The following NEBL variants were observed in gnomAD, a reference collection of about 807,000 sequenced individuals.
NEBL encodes LIM and SH3 protein 2.
A neutral mutation model predicts 140.2 loss-of-function variants in NEBL; 122 were observed. That is an observed-to-expected ratio of 0.87 (90% CI 0.75 to 1.01). NEBL has a LOEUF of 1.01. Among genes scored for constraint, NEBL ranks in the 50% least tolerant of loss-of-function variants. The pLI is 0.00. For missense variants in NEBL, 1,365 were observed against 1,231.3 expected (o/e 1.11, Z -1.62); for synonymous variants, 436 against 398.9 (o/e 1.09, Z -1.11).
At chr10:20,892,040 G>A (rs977198154) in intron 2 of NEBL, among the ~76,000 whole-genome samples, 15 of 152,164 alleles carry the variant, frequency 9.9e-5, no homozygotes, top group African/African-American at 3.6e-4. Flanking sequence ...TTTTATTACA[G>A]CCATGTCTAC....
intron 2 of NEBL, among the ~76,000 whole-genome samples, chr10:21,106,843 G>C (rs1451615101): frequency 6.6e-6 from 1 of 152,114 alleles, no homozygotes; most frequent in African/African-American, 2.4e-5. Context: ...CCATTTGTTT[G>C]TGTCCTCTTT....
At position 20,808,617 on chromosome 10, in the gene NEBL, G is replaced by A. The variant is rs143584663; in HGVS notation, c.2654C>T (p.Ser885Phe). Residue 885 changes from serine to phenylalanine, a missense_variant, in exon 26 of 28, where the codon TCC (serine) becomes TTC (phenylalanine). By Grantham distance (155) the Ser-to-Phe change is radical (BLOSUM62 -2). Transcript: ENST00000377122. Reference sequence around the variant, plus strand: ...GAGACCTGTACCGAAAGTACTGCTGGAATGGGATCGAGACCAGTGTCGCCT... The same window carrying A: ...GAGACCTGTACCGAAAGTACTGCTGAAATGGGATCGAGACCAGTGTCGCCT... ...HYRRHWSRSHSSSTFGTGLGD... is the reference protein window; with the variant it reads ...HYRRHWSRSHFSSTFGTGLGD... 3.7e-3 allele frequency: 5,918 copies of A among 1,613,332 alleles called. 16 individuals are homozygous for A. The highest frequency in any genetic ancestry group is 4.4e-3 in the Non-Finnish European group (5,248 of 1,179,344).
chr10:20,941,621 G>A (rs11511164), intron 4 of NEBL, among the ~76,000 whole-genome samples: 1 of 148,182 alleles, frequency 6.7e-6, no homozygotes, highest in African/African-American at 2.5e-5. Flanking sequence ...GGGTATTCAA[G>A]TAGGAAAAGA....
chr10:21,235,615 C>T (rs1273857091), intron 3 of NEBL, among the ~76,000 whole-genome samples: 1 of 152,168 alleles, frequency 6.6e-6, no homozygotes, highest in Admixed American at 6.6e-5. Context: ...GCGCCAGGCC[C>T]ATAAGCATTT....
intron 3 of NEBL, among the ~76,000 whole-genome samples, chr10:21,231,026 C>T (rs544991405): frequency 4.6e-5 from 7 of 152,310 alleles, no homozygotes; most frequent in East Asian, 3.9e-4. Context: ...AAATGAAGCA[C>T]GATCCATGGA....
At chr10:21,126,009 G>T in intron 2 of NEBL, 2 of 1,614,196 alleles carry the variant, frequency 1.2e-6, no homozygotes, top group Middle Eastern at 3.3e-4. Context: ...GACTGAAGCT[G>T]ACTCTCCGCA....
intron 19 of NEBL, among the ~76,000 whole-genome samples, chr10:20,820,630 A>T (rs1588686330): frequency 6.6e-6 from 1 of 152,292 alleles, no homozygotes; most frequent in East Asian, 1.9e-4. Context: ...GTTCGAGACC[A>T]GCCTGACCAA....
chr10:21,257,496 T>C (rs944162499), intron 1 of NEBL, among the ~76,000 whole-genome samples: 1 of 152,236 alleles, frequency 6.6e-6, no homozygotes, highest in Non-Finnish European at 1.5e-5. Context: ...TAGTAAGCAC[T>C]GGTCCTCACC....
At position 20,920,188 on chromosome 10, in the gene NEBL, A is replaced by G. The variant is rs1167344659; in HGVS notation, c.357+41484T>C. 2.6e-5 allele frequency among the ~76,000 whole-genome samples: 4 copies of G among 152,254 alleles called. No homozygotes were observed. In the South Asian group the frequency reaches 6.2e-4, roughly 24 times the overall value. On this transcript the variant is annotated intron_variant, in intron 4 of 6. Coordinates refer to the NEBL transcript ENST00000417816. Reference sequence around the variant, plus strand: ...TGTGGAAAAACAGGCCCTGTCATATATTACTGTTGGAAACATAACTGGTTC... The same window carrying G: ...TGTGGAAAAACAGGCCCTGTCATATGTTACTGTTGGAAACATAACTGGTTC...
At chr10:20,908,616 G>C (rs577205005) in intron 4 of NEBL, among the ~76,000 whole-genome samples, 9 of 152,114 alleles carry the variant, frequency 5.9e-5, no homozygotes, top group Non-Finnish European at 1.0e-4. Context: ...AACTCTCTCA[G>C]GGTTTATATT....
In NEBL at chr10:20,812,828, G is replaced by A. The variant is rs1411291805; in HGVS notation, c.2459C>T (p.Ala820Val). The A allele has an allele frequency of 1.2e-6, 2 of 1,613,826 alleles. No homozygotes were observed. The highest frequency in any genetic ancestry group is 1.1e-5 in the South Asian group (1 of 91,082). ...RKNTQVVSDA[A>V]YKGVHPHIVE... Reference sequence around the variant, plus strand: ...GATGTGAGGGTGGACCCCTTTATAGGCAGCATCGCTGACCACCTGGGTGTT... The same window carrying A: ...GATGTGAGGGTGGACCCCTTTATAGACAGCATCGCTGACCACCTGGGTGTT... Residue 820 changes from alanine (A) to valine (V), a missense_variant, in exon 24 of 28, where the codon GCC (alanine) becomes GTC (valine). Ala to Val is a moderately conservative substitution (Grantham distance 64). Coordinates refer to ENST00000377122, the MANE Select transcript of NEBL (RefSeq NM_006393.3).
At chr10:21,177,979 T>C (rs1841330246), upstream of NEBL, among the ~76,000 whole-genome samples, 1 of 152,250 alleles carries the variant, frequency 6.6e-6, no homozygotes, top group Non-Finnish European at 1.5e-5. Flanking sequence ...TTGTGTATGT[T>C]GTTCCTAGCT....
At chr10:20,929,823 T>C (rs1834095398) in intron 4 of NEBL, among the ~76,000 whole-genome samples, 1 of 152,126 alleles carries the variant, frequency 6.6e-6, no homozygotes, top group Non-Finnish European at 1.5e-5. Context: ...GTACAGTGTA[T>C]ACTATTGGGG....
chr10:20,982,974 C>CA (rs938812483), intron 3 of NEBL, among the ~76,000 whole-genome samples: 4 of 151,436 alleles, frequency 2.6e-5, no homozygotes, highest in Admixed American at 6.6e-5. Context: ...AATCTAATTT[C>CA]AAAAAAAATA....
At chr10:20,907,471 G>A (rs1340292) in intron 4 of NEBL, among the ~76,000 whole-genome samples, 1 of 151,954 alleles carries the variant, frequency 6.6e-6, no homozygotes, top group Non-Finnish European at 1.5e-5. Flanking sequence ...ATAAACATTC[G>A]ATAATTCTCT....
intron 7 of NEBL, among the ~76,000 whole-genome samples, chr10:20,867,060 AC>A (rs1260259557): frequency 3.9e-5 from 6 of 152,142 alleles, no homozygotes; most frequent in Non-Finnish European, 5.9e-5. Flanking sequence ...CATTAGAAGT[AC>A]TTTTCCAAGT....
chr10:21,092,226 C>CCATT (rs550469865), intron 2 of NEBL, among the ~76,000 whole-genome samples: 15 of 152,144 alleles, frequency 9.9e-5, no homozygotes, highest in South Asian at 4.2e-4. Flanking sequence ...TACGGGTGTG[C>CCATT]CATTCATTCA....
At chr10:21,148,610 C>T (rs1311276054) in intron 2 of NEBL, among the ~76,000 whole-genome samples, 1 of 152,082 alleles carries the variant, frequency 6.6e-6, no homozygotes, top group Non-Finnish European at 1.5e-5. Context: ...ACTGCAACTT[C>T]CACCTCCTGC....
At chr10:20,792,846 G>T (rs1261309611) in intron 26 of NEBL, among the ~76,000 whole-genome samples, 4 of 151,874 alleles carry the variant, frequency 2.6e-5, no homozygotes, top group Admixed American at 1.3e-4. Flanking sequence ...CATGAGCAAG[G>T]TGGCTGTGCT....
Sources: allele counts gnomAD v4.1 joint callset (sites outside exome capture counted in the v4.1 genomes callset), GRCh38; gene constraint gnomAD v4.1.1; transcripts MANE v1.5; gene names NCBI Gene and HGNC (gene_info 2026-07-23, HGNC 2026-07-21).